The following SF3B3 variants were observed in gnomAD, a reference collection of about 807,000 sequenced individuals.
SF3B3 encodes the protein SAP 130.
A neutral mutation model predicts 139.2 loss-of-function variants in SF3B3; 33 were observed. That is an observed-to-expected ratio of 0.24 (90% CI 0.18 to 0.32). The LOEUF (loss-of-function observed/expected upper bound fraction) is 0.32. Among genes scored for constraint, SF3B3 ranks in the 10% least tolerant of loss-of-function variants. The probability of loss-of-function intolerance (pLI) is 1.00; values close to 1 mark genes in which losing one functional copy is unlikely to be tolerated. For synonymous variants in SF3B3, 596 were observed against 563.6 expected (o/e 1.06, Z -0.81); for missense variants, 818 against 1,509.4 (o/e 0.54, Z 7.59).
intron 20 of SF3B3, among the ~76,000 whole-genome samples, chr16:70,566,014 G>A (rs1461709499): frequency 4.6e-5 from 7 of 152,106 alleles, no homozygotes; most frequent in Admixed American, 4.6e-4. Flanking sequence ...CTGCTCGGGA[G>A]GCTAAGACAG....
chr16:70,541,530 G>A (rs1389882155), intron 8 of SF3B3, 139 bp from the exon 9 acceptor site: 3 of 635,726 alleles, frequency 4.7e-6, no homozygotes, highest in East Asian at 2.7e-5. Flanking sequence ...CCTAGCTGTC[G>A]TACTTAGTGA....
chr16:70,565,273 A>G lies in SF3B3; in HGVS notation c.2669+3A>G, dbSNP rs2050464485. On this transcript the variant is annotated splice_donor_region_variant and intron_variant, in intron 19 of 25. Transcript: ENST00000302516. ...GAACAGAATGAGGCAGCTTTTAGGT[A>G]AGCAGCCCAGGACAGTCCAGGGTTT... 6.2e-7 allele frequency: 1 copy of G among 1,614,218 alleles called. No individual in the cohort carries two copies. Among genetic ancestry groups the G allele is most frequent in the Non-Finnish European group, 8.5e-7 (1 of 1,180,032 alleles).
At chr16:70,535,187 A>G (rs2050154970) in intron 5 of SF3B3, 121 bp from the exon 6 acceptor site, 3 of 546,712 alleles carry the variant, frequency 5.5e-6, no homozygotes, top group Admixed American at 5.8e-5. Flanking sequence ...AACACATGAA[A>G]TGTTTCTTAG....
chr16:70,569,239 C>T, intron 23 of SF3B3, 98 bp downstream of exon 23: 1 of 789,102 alleles, frequency 1.3e-6, no homozygotes, highest in Admixed American at 2.5e-5. Flanking sequence ...TCATAGTGCA[C>T]ACGACTGTGC....
chr16:70,526,635 G>A lies in SF3B3; in HGVS notation c.-22G>A, dbSNP rs896766214. On this transcript the variant is annotated 5_prime_UTR_variant, in exon 2 of 26. It adds an upstream start codon to the 5' untranslated region. Coordinates refer to ENST00000302516, the MANE Select transcript of SF3B3 (RefSeq NM_012426.5). ...GTGTAACCAAGGCCTGGAGGTCTGG[G>A]TGGCTCAGGTTTCCTGCAGCCATGT... 4.4e-6 allele frequency: 7 copies of A among 1,602,878 alleles called. No homozygotes were observed. In the African/African-American group the frequency reaches 9.4e-5, roughly 21 times the overall value.
chr16:70,565,630 A>G (rs542182468), intron 20 of SF3B3, 106 bp downstream of exon 20: 841 of 1,006,652 alleles, frequency 8.4e-4, no homozygotes, highest in Non-Finnish European at 1.1e-3. Flanking sequence ...CTTGATTCCA[A>G]TCTCTCTCTT....
At chr16:70,543,794 T>C (rs1193636701) in intron 9 of SF3B3, among the ~76,000 whole-genome samples, 5 of 152,308 alleles carry the variant, frequency 3.3e-5, no homozygotes, top group East Asian at 3.9e-4. Context: ...ATGGATCTTT[T>C]TGCTAGCCAA....
chr16:70,529,458 C>G (rs2151774723), intron 3 of SF3B3: 1 of 501,626 alleles, frequency 2.0e-6, no homozygotes, highest in East Asian at 3.5e-5. Flanking sequence ...GGCAAAAAGA[C>G]TACAATGAAA....
Position 70,556,047 on chromosome 16 carries a change from G to A in SF3B3, c.1711-132G>A, listed in dbSNP as rs151226567. On this transcript the variant is annotated intron_variant, in intron 13 of 25. Coordinates refer to ENST00000302516, the MANE Select transcript of SF3B3 (RefSeq NM_012426.5). ...AAATTCTTGTCATTTACTATAGTAA[G>A]AGGAGTGAGAGGAAGCAGAACAAAA... 822 of 821,174 alleles carry A rather than the reference G, an allele frequency of 1.0e-3. 9 individuals carry two copies. In the African/African-American group the frequency reaches 0.012, roughly 12 times the overall value. The allele number at this position is 821,174 out of a possible 1,614,324, so 50.9% of individuals were successfully genotyped here. A position where few individuals can be genotyped will look rare whatever the true frequency, so the allele number is the denominator to read the frequency against.
chr16:70,544,381 G>A (rs2050248749), intron 9 of SF3B3, 57 bp from the exon 10 acceptor site: 2 of 945,810 alleles, frequency 2.1e-6, no homozygotes, highest in Non-Finnish European at 3.4e-6. Context: ...GAGAATCAGA[G>A]TTGTGTTTGA....
intron 5 of SF3B3, 88 bp downstream of exon 5, chr16:70,532,708 A>C: frequency 7.6e-7 from 1 of 1,321,958 alleles, no homozygotes; most frequent in Non-Finnish European, 1.1e-6. Context: ...GGGTTTGGGA[A>C]TTAATCCATT....
chr16:70,559,021 G>C (rs751916031), intron 15 of SF3B3, among the ~76,000 whole-genome samples: 13 of 152,138 alleles, frequency 8.5e-5, no homozygotes, highest in Non-Finnish European at 1.9e-4. Flanking sequence ...CTTAATAGGT[G>C]GTGCTGTTTA....
At chr16:70,570,951 A>G in intron 24 of SF3B3, 144 bp from the exon 25 acceptor site, 1 of 689,496 alleles carries the variant, frequency 1.5e-6, no homozygotes, top group Admixed American at 2.2e-5. Context: ...TAGCAGAAAA[A>G]CCTGTGATTA....
chr16:70,560,011 G>T (rs1013455977), intron 15 of SF3B3, among the ~76,000 whole-genome samples: 14 of 152,076 alleles, frequency 9.2e-5, no homozygotes, highest in Admixed American at 4.6e-4. Flanking sequence ...CCCACTATTT[G>T]TAGGGGTTTC....
At chr16:70,532,378 G>C in intron 4 of SF3B3, 101 bp from the exon 5 acceptor site, 1 of 539,950 alleles carries the variant, frequency 1.9e-6, no homozygotes, top group Non-Finnish European at 2.6e-6. Context: ...GAAGACATTT[G>C]TGGACTTCTG....
intron 5 of SF3B3, among the ~76,000 whole-genome samples, chr16:70,533,216 A>C (rs1438726660): frequency 6.6e-6 from 1 of 152,188 alleles, no homozygotes; most frequent in Admixed American, 6.5e-5. Context: ...TCGGCTGGGC[A>C]TGGTGGCTCA....
In SF3B3 at chr16:70,538,475, G is replaced by A. The variant is rs1180155284; in HGVS notation, c.963+15G>A. 1 of 1,606,162 alleles carries A rather than the reference G, an allele frequency of 6.2e-7. No individual in the cohort carries two copies. The highest frequency in any genetic ancestry group is 8.5e-7 in the Non-Finnish European group (1 of 1,173,352). On this transcript the variant is annotated intron_variant, in intron 7 of 25. Coordinates refer to ENST00000302516, the MANE Select transcript of SF3B3 (RefSeq NM_012426.5). Reference sequence around the variant, plus strand: ...ATGAAGATATGGTAAGTAGACCATGGATGGACCAGTATAGCTACTCTATGA... The same window carrying A: ...ATGAAGATATGGTAAGTAGACCATGAATGGACCAGTATAGCTACTCTATGA...
intron 21 of SF3B3, 99 bp downstream of exon 21, chr16:70,567,635 T>A: frequency 7.2e-7 from 1 of 1,390,672 alleles, no homozygotes. Flanking sequence ...TTATCTTTAT[T>A]AGGACTTGTT....
chr16:70,576,103 GTC>G lies in SF3B3; in HGVS notation c.*4292_*4293del, dbSNP rs1340424889. 2 of 151,224 alleles carry G rather than the reference GTC, an allele frequency of 1.3e-5. No homozygotes were observed. Among genetic ancestry groups the G allele is most frequent in the Admixed American group, 6.6e-5 (1 of 15,208 alleles). 9.4% of individuals were successfully genotyped at this position (151,224 alleles called of 1,614,324 possible). A position where few individuals can be genotyped will look rare whatever the true frequency, so the allele number is the denominator to read the frequency against. On this transcript the variant is annotated 3_prime_UTR_variant, in exon 26 of 26. Coordinates refer to ENST00000302516, the MANE Select transcript of SF3B3 (RefSeq NM_012426.5). ...CTGTTTTTTTTTTTTTAAAAAAAGAGTCTGCTGGTGATGTCTGGGCATGTGTC... is the reference window on the plus strand; with the variant it reads ...CTGTTTTTTTTTTTTTAAAAAAAGAGTGCTGGTGATGTCTGGGCATGTGTC...
Sources: gnomAD v4.1 joint callset for allele counts (sites outside exome capture counted in the v4.1 genomes callset) on GRCh38, gnomAD v4.1.1 for gene constraint, MANE v1.5 for transcripts, NCBI Gene and HGNC (gene_info 2026-07-23, HGNC 2026-07-21) for gene names.